Variants in ADGRE1 observed in about 807,000 individuals in gnomAD.
ADGRE1 encodes adhesion G protein-coupled receptor E1, also known as EGF-like module receptor 1.
A neutral mutation model predicts 102.7 loss-of-function variants in ADGRE1; 82 were observed. The observed-to-expected ratio is 0.80, with a 90% CI of 0.67 to 0.96. The LOEUF (loss-of-function observed/expected upper bound fraction) is 0.96. Ranked by LOEUF, ADGRE1 falls within the 40% of genes least tolerant of loss-of-function variation. ADGRE1 has a pLI of 0.00. For synonymous variants in ADGRE1, 398 were observed against 399.6 expected, an observed-to-expected ratio of 1.00 and a Z score of 0.05; for missense variants, 1,032 against 1,085.3, an observed-to-expected ratio of 0.95 and a Z score of 0.69.
chr19:6,909,125 C>T (rs1974079954), intron 10 of ADGRE1, among the ~76,000 whole-genome samples: 1 of 134,490 alleles, frequency 7.4e-6, no homozygotes, highest in African/African-American at 3.1e-5. Flanking sequence ...CAGACTGAGA[C>T]TCCATCTCAA....
At position 6,939,623 on chromosome 19, in the gene ADGRE1, CAAG is replaced by C. The variant is rs1201906670; in HGVS notation, c.2656-393_2656-391del. 7.9e-5 allele frequency among the ~76,000 whole-genome samples: 12 copies of C among 152,184 alleles called. No individual in the cohort carries two copies. In the East Asian group the frequency reaches 2.1e-3, roughly 27 times the overall value. Reference sequence around the variant, plus strand: ...CCAGACATCATGACTATGTTCAAGTCAAGAAGAAGAGGGATGGACAGGACCAGA... The same window carrying C: ...CCAGACATCATGACTATGTTCAAGTCAAGAAGAGGGATGGACAGGACCAGA... On this transcript the variant is annotated intron_variant, in intron 20 of 20. Coordinates refer to ENST00000312053, the MANE Select transcript of ADGRE1 (RefSeq NM_001974.5).
intron 14 of ADGRE1, among the ~76,000 whole-genome samples, chr19:6,924,206 A>G (rs576370960): frequency 1.3e-5 from 2 of 152,060 alleles, no homozygotes; most frequent in Admixed American, 6.6e-5. Context: ...TCATCCCCCA[A>G]TGCAGCTGTA....
In ADGRE1 at chr19:6,904,750, C is replaced by T. The variant is rs941681929; in HGVS notation, c.949+568C>T. 5.2e-4 allele frequency among the ~76,000 whole-genome samples: 79 copies of T among 152,222 alleles called. 1 individual carries two copies. Among genetic ancestry groups the T allele is most frequent in the Non-Finnish European group, 8.8e-5 (6 of 68,012 alleles). Reference sequence around the variant, plus strand: ...CTCGATCTACTGACCTCGTGATCAGCCCGCCTCGGCCTCCCAAAGTGCTGG... The same window carrying T: ...CTCGATCTACTGACCTCGTGATCAGTCCGCCTCGGCCTCCCAAAGTGCTGG... On this transcript the variant is annotated intron_variant, in intron 8 of 20. Coordinates refer to ENST00000312053, the MANE Select transcript of ADGRE1 (RefSeq NM_001974.5).
In ADGRE1 at chr19:6,897,271, G is replaced by A. The variant is rs35408761; in HGVS notation, c.361G>A (p.Val121Ile). ...CTCTTCTCCCACTGGAAATGACTGG[G>A]TCCCAGGAAAGCCGGGCAATTTCTC... ...GFSSPTGNDW[V>I]PGKPGNFSCT... is the part of the protein sequence containing the mutation. Residue 121 changes from valine to isoleucine, a missense_variant, in exon 4 of 21, where the codon GTC (valine) becomes ATC (isoleucine). Coordinates refer to ENST00000312053, the MANE Select transcript of ADGRE1 (RefSeq NM_001974.5). 4.0e-3 allele frequency: 6,496 copies of A among 1,613,722 alleles called. 75 individuals carry two copies. The highest frequency in any genetic ancestry group is 0.037 in the African/African-American group (2,753 of 74,836).
At position 6,940,124 on chromosome 19, in the gene ADGRE1, T is replaced by C. The variant is rs1975611936; in HGVS notation, c.*95T>C. On this transcript the variant is annotated 3_prime_UTR_variant, in exon 21 of 21. Transcript: ENST00000312053. ...CCTGAAATCTCTTCTCAGCTTAACA[T>C]GGAAATGAGGATCCCACCAGCCCCA... The C allele has an allele frequency of 7.0e-7, 1 of 1,431,322 alleles. No individual in the cohort carries two copies. The highest frequency in any genetic ancestry group is 1.9e-5 in the Admixed American group (1 of 53,920). The allele number at this position is 1,431,322 out of a possible 1,614,324, so 88.7% of individuals were successfully genotyped here.
intron 12 of ADGRE1, among the ~76,000 whole-genome samples, chr19:6,918,098 G>A (rs1295605039): frequency 3.3e-5 from 5 of 152,122 alleles, no homozygotes; most frequent in Non-Finnish European, 7.3e-5. Context: ...GACTCTCCAG[G>A]TTCCAGATCA....
chr19:6,890,443 T>TTTTA, intron 1 of ADGRE1, 38 bp from the exon 2 acceptor site: 1 of 1,231,448 alleles, frequency 8.1e-7, no homozygotes. Flanking sequence ...TTTTTTTTTT[T>TTTTA]TGGTGGTTCA....
chr19:6,940,342 G>C lies in ADGRE1; in HGVS notation c.*313G>C. ...CCTGGCTACCATTTTGTTTTCTCCT[G>C]CCCTTGTTGGTGCATGGTTCTAAGC... On this transcript the variant is annotated 3_prime_UTR_variant, in exon 21 of 21. Coordinates refer to ENST00000312053, the MANE Select transcript of ADGRE1 (RefSeq NM_001974.5). 1.1e-5 allele frequency: 5 copies of C among 475,946 alleles called. No homozygotes were observed. The highest frequency in any genetic ancestry group is 9.3e-5 in the South Asian group (4 of 42,784). 29.5% of individuals were successfully genotyped at this position (475,946 alleles called of 1,614,324 possible). A position where few individuals can be genotyped will look rare whatever the true frequency, so the allele number is the denominator to read the frequency against.
chr19:6,902,422 G>A (rs1423126721), intron 6 of ADGRE1, among the ~76,000 whole-genome samples: 2 of 151,664 alleles, frequency 1.3e-5, no homozygotes, highest in Admixed American at 1.3e-4. Flanking sequence ...TTTGTTTTTT[G>A]TTTTTTTGGG....
chr19:6,911,223 C>G (rs1242902868), intron 10 of ADGRE1, among the ~76,000 whole-genome samples: 1 of 152,000 alleles, frequency 6.6e-6, no homozygotes. Context: ...GTCCCGCTTA[C>G]CCCGTGTTTA....
rs559055788 is a variant in ADGRE1 at position 6,899,211 on chromosome 19, G to T, written c.514+1664G>T. ...CCGATATTTTCCCCAGGGGACATTG[G>T]CAACATCTGGAGATATTTTTGATTG... On this transcript the variant is annotated intron_variant, in intron 5 of 20. Coordinates refer to ENST00000312053, the MANE Select transcript of ADGRE1 (RefSeq NM_001974.5). 3.6e-4 allele frequency among the ~76,000 whole-genome samples: 55 copies of T among 152,238 alleles called. No homozygotes were observed. The South Asian group carries it at 0.011, about 30-fold the overall frequency.
chr19:6,907,970 A>G (rs1044828042), intron 9 of ADGRE1, among the ~76,000 whole-genome samples: 14 of 152,226 alleles, frequency 9.2e-5, no homozygotes, highest in African/African-American at 2.9e-4. Context: ...CTGGCCATAA[A>G]CTGGCCCCAA....
At chr19:6,933,606 C>T (rs552759366) in intron 17 of ADGRE1, among the ~76,000 whole-genome samples, 4 of 152,142 alleles carry the variant, frequency 2.6e-5, no homozygotes, top group South Asian at 2.1e-4. Flanking sequence ...AGGCTGGTCT[C>T]GAACTCCTGA....
intron 13 of ADGRE1, among the ~76,000 whole-genome samples, chr19:6,921,114 C>G (rs1477986206): frequency 2.0e-5 from 3 of 152,056 alleles, no homozygotes; most frequent in African/African-American, 7.2e-5. Context: ...GGAGAAACCC[C>G]ATCTTTACTA....
At chr19:6,893,759 A>G (rs1973459028) in intron 2 of ADGRE1, among the ~76,000 whole-genome samples, 1 of 152,220 alleles carries the variant, frequency 6.6e-6, no homozygotes, top group African/African-American at 2.4e-5. Flanking sequence ...CTGCTGTAAC[A>G]AATTGCCACA....
chr19:6,939,945 C>T, intron 20 of ADGRE1, 79 bp from the exon 21 acceptor site: 2 of 1,448,660 alleles, frequency 1.4e-6, no homozygotes, highest in Non-Finnish European at 1.9e-6. Flanking sequence ...ATACTTCTGT[C>T]CCTGTAGACA....
At chr19:6,908,110 G>A (rs576517202) in intron 9 of ADGRE1, among the ~76,000 whole-genome samples, 17 of 152,342 alleles carry the variant, frequency 1.1e-4, no homozygotes, top group Admixed American at 2.6e-4. Flanking sequence ...CGGAAAAATC[G>A]CTTAAAGGCG....
At chr19:6,926,859 T>C (rs564532956) in intron 16 of ADGRE1, among the ~76,000 whole-genome samples, 21 of 152,246 alleles carry the variant, frequency 1.4e-4, no homozygotes, top group African/African-American at 5.1e-4. Flanking sequence ...ATTATTTTCC[T>C]TTTCTTGCGT....
intron 10 of ADGRE1, among the ~76,000 whole-genome samples, chr19:6,911,393 T>TTTTTTG (rs1249258297): frequency 1.4e-5 from 2 of 144,528 alleles, no homozygotes; most frequent in Non-Finnish European, 3.0e-5. Context: ...TAGTTTTTTT[T>TTTTTTG]TTTTTTTTTT....
Sources: gnomAD v4.1 joint callset for allele counts (sites outside exome capture counted in the v4.1 genomes callset) on GRCh38, gnomAD v4.1.1 for gene constraint, MANE v1.5 for transcripts, NCBI Gene and HGNC (gene_info 2026-07-23, HGNC 2026-07-21) for gene names.